The following PVR variants were observed in gnomAD, a reference collection of about 807,000 sequenced individuals.
The protein encoded by PVR is PVR cell adhesion molecule.
PVR carries 39 observed loss-of-function variants against 43.3 expected under a neutral mutation model. The observed-to-expected ratio is 0.90, with a 90% CI of 0.70 to 1.18. The LOEUF is 1.18. Ranked by LOEUF, PVR falls within the 50% of genes most tolerant of loss-of-function variation. The probability of loss-of-function intolerance (pLI) is 0.00; values close to 1 mark genes in which losing one functional copy is unlikely to be tolerated. For synonymous variants in PVR, 224 were observed against 233.2 expected (o/e 0.96, Z 0.36); for missense variants, 480 against 549.7 (o/e 0.87, Z 1.27).
rs1285909514 is a variant in PVR, at chr19:44,664,509, A to C, written c.*2698A>C. On this transcript the variant is annotated 3_prime_UTR_variant, in exon 8 of 8. Transcript: ENST00000425690. Reference sequence around the variant, plus strand: ...ATTACAGATGTGAGCCACCGCGCCCACCCTGAACCTTACTTTTTTTGCTCA... The same window carrying C: ...ATTACAGATGTGAGCCACCGCGCCCCCCCTGAACCTTACTTTTTTTGCTCA... The C allele has an allele frequency of 6.6e-6, 1 of 151,394 alleles. No homozygotes were observed. Among genetic ancestry groups the C allele is most frequent in the African/African-American group, 2.4e-5 (1 of 41,176 alleles). The allele number at this position is 151,394 out of a possible 1,614,324, so 9.4% of individuals were successfully genotyped here. A position where few individuals can be genotyped will look rare whatever the true frequency, so the allele number is the denominator to read the frequency against.
intron 2 of PVR, among the ~76,000 whole-genome samples, chr19:44,648,674 GTTTTCTTTTC>G (rs201884360): frequency 1.2e-4 from 18 of 151,806 alleles, no homozygotes; most frequent in South Asian, 6.3e-4. Context: ...GTTTTGTTTT[GTTTTCTTTTC>G]TTTTTAAGCT....
chr19:44,652,876 T>C (rs1324994674), intron 3 of PVR, among the ~76,000 whole-genome samples: 2 of 152,222 alleles, frequency 1.3e-5, no homozygotes, highest in Non-Finnish European at 2.9e-5. Context: ...TATTTCAACT[T>C]GTAATTGTTT....
chr19:44,661,497 G>A (rs532398643), intron 7 of PVR, among the ~76,000 whole-genome samples, 174 bp downstream of exon 7: 82 of 152,262 alleles, frequency 5.4e-4, no homozygotes, highest in African/African-American at 1.9e-3. Context: ...TTGCTAAGAC[G>A]CAGCCCCAGA....
chr19:44,662,065 A>G lies in PVR; in HGVS notation c.*254A>G. On this transcript the variant is annotated 3_prime_UTR_variant, in exon 8 of 8. Transcript: ENST00000425690. ...TTACAGTTTATTACAGTAAAAGGAC[A>G]GAGATTAAGATCAGCAAAGGGAGGA... is the stretch of plus-strand genomic sequence containing the variant. 1 of 516,378 alleles carries G rather than the reference A, an allele frequency of 1.9e-6. No homozygotes were observed. Among genetic ancestry groups the G allele is most frequent in the East Asian group, 3.1e-5 (1 of 31,868 alleles). 32.0% of individuals were successfully genotyped at this position (516,378 alleles called of 1,614,324 possible). A position where few individuals can be genotyped will look rare whatever the true frequency, so the allele number is the denominator to read the frequency against.
chr19:44,649,930 G>A lies in PVR; in HGVS notation c.549G>A (p.Leu183=). Residue 183 remains leucine (L), a synonymous_variant, in exon 3 of 8, where the codon CTG becomes CTA. Coordinates refer to ENST00000425690, the MANE Select transcript of PVR (RefSeq NM_006505.5). The stretch of plus-strand genomic sequence containing the variant: ...CCCAAATCACCTGGCACTCAGACCT[G>A]GGCGGGATGCCCAATACGAGCCAGG... ...PPAQITWHSD[L]GGMPNTSQVP... is the part of the protein sequence containing the mutation. 1 of 1,612,810 alleles carries A rather than the reference G, an allele frequency of 6.2e-7. No homozygotes were observed. Among genetic ancestry groups the A allele is most frequent in the Non-Finnish European group, 8.5e-7 (1 of 1,179,290 alleles).
intron 1 of PVR, 148 bp downstream of exon 1, chr19:44,644,323 C>CGGTGCGAG (rs1253489002): frequency 3.3e-6 from 2 of 611,656 alleles, no homozygotes; most frequent in South Asian, 4.5e-5. Context: ...GGAAGGAACA[C>CGGTGCGAG]GGTGCGAGGG....
rs1973007796 is a variant in PVR, at chr19:44,644,180, G to A, written c.79+5G>A. 32 of 1,499,488 alleles carry A rather than the reference G, an allele frequency of 2.1e-5. No individual in the cohort carries two copies. Among genetic ancestry groups the A allele is most frequent in the Non-Finnish European group, 2.8e-5 (32 of 1,130,416 alleles). The allele number at this position is 1,499,488 out of a possible 1,614,324, so 92.9% of individuals were successfully genotyped here. A position where few individuals can be genotyped will look rare whatever the true frequency, so the allele number is the denominator to read the frequency against. ...CCTGGCCACCCCCAGGAACCGGTGA[G>A]TGACCCCCGCGCAGTCCGGTGGCCC... On this transcript the variant is annotated splice_donor_5th_base_variant and intron_variant, in intron 1 of 7. Transcript: ENST00000425690.
rs1973148941 is a variant in PVR, at chr19:44,647,257, C to T, written c.114C>T (p.Pro38=). Residue 38 remains proline (P), a synonymous_variant, in exon 2 of 8, where the codon CCC becomes CCT. Coordinates refer to ENST00000425690, the MANE Select transcript of PVR (RefSeq NM_006505.5). ...DVVVQAPTQV[P]GFLGDSVTLP... ...TCGTGCAGGCGCCCACCCAGGTGCCCGGCTTCTTGGGCGACTCCGTGACGC... is the reference window on the plus strand; with the variant it reads ...TCGTGCAGGCGCCCACCCAGGTGCCTGGCTTCTTGGGCGACTCCGTGACGC... 4.5e-6 allele frequency: 7 copies of T among 1,553,466 alleles called. No individual in the cohort carries two copies. In the East Asian group the frequency reaches 7.3e-5, roughly 16 times the overall value.
At chr19:44,657,527 G>A (rs575216800) in intron 4 of PVR, among the ~76,000 whole-genome samples, 23 of 152,320 alleles carry the variant, frequency 1.5e-4, no homozygotes, top group Non-Finnish European at 3.1e-4. Flanking sequence ...GGGAGGTACC[G>A]TGGAAGCCCT....
At chr19:44,647,094 C>T (rs1973139712) in intron 1 of PVR, 129 bp from the exon 2 acceptor site, 2 of 562,208 alleles carry the variant, frequency 3.6e-6, no homozygotes, top group South Asian at 2.3e-5. Context: ...CCCCCCACAC[C>T]CCACGGTCCA....
At chr19:44,648,659 G>C (rs897181148) in intron 2 of PVR, among the ~76,000 whole-genome samples, 46 of 138,742 alleles carry the variant, frequency 3.3e-4, no homozygotes, top group Non-Finnish European at 6.0e-4. Context: ...TTTCTGTTTT[G>C]TTTTGTTTTG....
chr19:44,660,702 T>G (rs753006235), intron 6 of PVR, among the ~76,000 whole-genome samples: 1 of 151,982 alleles, frequency 6.6e-6, no homozygotes, highest in Non-Finnish European at 1.5e-5. Flanking sequence ...TTTTATATTT[T>G]TAGTAGAGAT....
At chr19:44,649,772 T>G (rs768830960) in intron 2 of PVR, 37 bp from the exon 3 acceptor site, 1 of 1,605,488 alleles carries the variant, frequency 6.2e-7, no homozygotes, top group Non-Finnish European at 8.5e-7. Flanking sequence ...ACGGAGGGGT[T>G]CATTGAATGA....
chr19:44,658,448 C>T (rs1165982315), intron 5 of PVR, among the ~76,000 whole-genome samples: 2 of 152,202 alleles, frequency 1.3e-5, no homozygotes, highest in African/African-American at 2.4e-5. Context: ...AAAAAACATA[C>T]CACTTTCAGT....
In PVR at chr19:44,653,961, C is replaced by A; in HGVS notation, c.786C>A (p.Ala262=). Residue 262 remains alanine, a synonymous_variant, in exon 4 of 8, where the codon GCC becomes GCA. Transcript: ENST00000425690. ...ACTGGTACCTTGGCCAGAATGAGGCCACCCTGACCTGCGATGCTCGCAGCA... is the reference window on the plus strand; with the variant it reads ...ACTGGTACCTTGGCCAGAATGAGGCAACCCTGACCTGCGATGCTCGCAGCA... ...DNNWYLGQNE[A]TLTCDARSNP... The A allele has an allele frequency of 6.2e-7, 1 of 1,614,210 alleles. No individual in the cohort carries two copies.
At position 44,662,196 on chromosome 19, in the gene PVR, C is replaced by CTTTTTA; in HGVS notation, c.*385_*386insTTTTTA. 2 of 227,016 alleles carry CTTTTTA rather than the reference C, an allele frequency of 8.8e-6. No individual in the cohort carries two copies. Among genetic ancestry groups the CTTTTTA allele is most frequent in the South Asian group, 9.1e-5 (1 of 10,944 alleles). 14.1% of individuals were successfully genotyped at this position (227,016 alleles called of 1,614,324 possible). Reference sequence around the variant, plus strand: ...TGATTCTCACAGCAACATGTGACAACATGCAAGAAGTACTGCCAATACTGC... The same window carrying CTTTTTA: ...TGATTCTCACAGCAACATGTGACAACTTTTTAATGCAAGAAGTACTGCCAATACTGC... On this transcript the variant is annotated 3_prime_UTR_variant, in exon 8 of 8. Coordinates refer to ENST00000425690, the MANE Select transcript of PVR (RefSeq NM_006505.5).
intron 4 of PVR, among the ~76,000 whole-genome samples, chr19:44,655,863 C>CTTTTTTT (rs11349440): frequency 1.2e-4 from 10 of 81,962 alleles, no homozygotes; most frequent in East Asian, 8.2e-4. Flanking sequence ...AGCTCTCCTG[C>CTTTTTTT]TTTTTTTTTT....
At position 44,647,346 on chromosome 19, in the gene PVR, G is replaced by C; in HGVS notation, c.203G>C (p.Arg68Pro). The change falls in exon 2 of 8, where the codon CGG becomes CCG. Residue 68 changes from arginine (R) to proline (P), a missense_variant. Transcript: ENST00000425690. ...CATGTGTCACAGCTGACTTGGGCGC[G>C]GCATGGTGAATCTGGCAGCATGGCC... ...VTHVSQLTWA[R>P]HGESGSMAVF... 3 of 1,613,574 alleles carry C rather than the reference G, an allele frequency of 1.9e-6. No homozygotes were observed. Among genetic ancestry groups the C allele is most frequent in the Non-Finnish European group, 2.5e-6 (3 of 1,179,812 alleles).
rs1973161438 is a variant in PVR, at chr19:44,647,516, T to C, written c.373T>C (p.Phe125Leu). The change falls in exon 2 of 8, where the codon TTC becomes CTC. Residue 125 changes from phenylalanine (F) to leucine (L), a missense_variant. By Grantham distance (22) the Phe-to-Leu change is conservative. Coordinates refer to ENST00000425690, the MANE Select transcript of PVR (RefSeq NM_006505.5). The stretch of plus-strand genomic sequence containing the variant: ...GGATGAAGGCAACTACACCTGCCTG[T>C]TCGTCACGTTCCCGCAGGGCAGCAG... ...VEDEGNYTCL[F>L]VTFPQGSRSV... 1 of 1,614,060 alleles carries C rather than the reference T, an allele frequency of 6.2e-7. No homozygotes were observed. The highest frequency in any genetic ancestry group is 8.5e-7 in the Non-Finnish European group (1 of 1,179,980).
Sources: allele counts gnomAD v4.1 joint callset (sites outside exome capture counted in the v4.1 genomes callset), GRCh38; gene constraint gnomAD v4.1.1; transcripts MANE v1.5; gene names NCBI Gene and HGNC (gene_info 2026-07-23, HGNC 2026-07-21).